SREK1: variants seen among roughly 807,000 people sequenced by gnomAD.
The protein encoded by SREK1 is splicing regulatory glutamic acid and lysine rich protein 1.
A neutral mutation model predicts 66.5 loss-of-function variants in SREK1; 13 were observed. The ratio of observed to expected loss-of-function variants is 0.20; its 90% CI spans 0.13 to 0.31. The LOEUF (loss-of-function observed/expected upper bound fraction) is 0.31, where lower values mean the gene tolerates loss of function less well. Ranked by LOEUF, SREK1 falls within the 10% of genes least tolerant of loss-of-function variation. The pLI is 1.00. For missense variants in SREK1, 607 were observed against 769.6 expected (o/e 0.79, Z 2.50); for synonymous variants, 265 against 263.5 (o/e 1.01, Z -0.05).
At chr5:66,163,719 A>T in intron 5 of SREK1, 73 bp from the exon 6 acceptor site, 1 of 1,472,104 alleles carries the variant, frequency 6.8e-7, no homozygotes, top group Non-Finnish European at 9.2e-7. Flanking sequence ...AAATATGTGT[A>T]TCATATAAAT....
chr5:66,173,985 G>T (rs1413361898), intron 9 of SREK1, among the ~76,000 whole-genome samples: 2 of 152,102 alleles, frequency 1.3e-5, no homozygotes, highest in Non-Finnish European at 2.9e-5. Flanking sequence ...TATACCGTGT[G>T]AGCATTTTTT....
rs552883489 is a variant in SREK1 at position 66,144,515 on chromosome 5, G to T, written c.139G>T (p.Glu47Ter). The T allele has an allele frequency of 6.4e-7, 1 of 1,553,478 alleles. No individual in the cohort carries two copies. The change falls in exon 1 of 12, where the codon GAG (glutamate) becomes TAG (stop). Residue 47 changes from glutamate to a stop codon, truncating the protein, a stop_gained. Transcript: ENST00000334121. LOFTEE classifies it high-confidence loss of function. ...TTTTTCCTTCCTAGGAGAAATCGAG[G>T]AGCTGCGGCTCTACCCCCCGGAGTA... Reference protein sequence around the residue: ...TLFSFLGEIEELRLYPPDNAP... With the variant: ...TLFSFLGEIE
At position 66,152,091 on chromosome 5, in the gene SREK1, C is replaced by T. The variant is rs529053244; in HGVS notation, c.162-1372C>T. ...CGATCTCCTGACCTCGTGATCCGCC[C>T]GCCTTCCGCCTTGGCCTCCCAGAGT... is the stretch of plus-strand genomic sequence containing the variant. On this transcript the variant is annotated intron_variant, in intron 1 of 11. Transcript: ENST00000334121. Among the ~76,000 whole-genome samples the T allele has an allele frequency of 3.2e-3, 493 of 152,082 alleles. 3 individuals are homozygous for T. Among genetic ancestry groups the T allele is most frequent in the Non-Finnish European group, 5.3e-3 (363 of 67,962 alleles).
At chr5:66,156,173 G>A in intron 2 of SREK1, 1 of 1,363,116 alleles carries the variant, frequency 7.3e-7, no homozygotes, top group Non-Finnish European at 9.4e-7. Context: ...AAATGAGATC[G>A]GAGTCTGAAC....
chr5:66,177,688 T>G (rs550050172), intron 11 of SREK1, 30 bp downstream of exon 11: 1 of 1,565,220 alleles, frequency 6.4e-7, no homozygotes, highest in South Asian at 1.2e-5. Context: ...TGTCTGGCAC[T>G]TGAAATGGTT....
intron 1 of SREK1, among the ~76,000 whole-genome samples, chr5:66,151,269 G>T (rs1439876399): frequency 1.3e-5 from 2 of 152,224 alleles, no homozygotes; most frequent in African/African-American, 4.8e-5. Context: ...TGGAGGAAAA[G>T]AGTCAAACAG....
chr5:66,178,826 G>C lies in SREK1; in HGVS notation c.1833G>C (p.Gln611His), dbSNP rs775172055. Residue 611 changes from glutamine to histidine, a missense_variant, in exon 12 of 12, where the codon CAG becomes CAC. Gln to His is a conservative substitution (Grantham distance 24). Transcript: ENST00000334121. ...ENKIQHNGNC[Q>H]LNEENLSTKT... is the part of the protein sequence containing the mutation. ...AAATACAGCACAATGGGAATTGTCA[G>C]CTGAATGAAGAAAACCTCTCTACCA... 2.5e-6 allele frequency: 4 copies of C among 1,612,456 alleles called. No individual in the cohort carries two copies. Among genetic ancestry groups the C allele is most frequent in the Non-Finnish European group, 3.4e-6 (4 of 1,178,838 alleles).
intron 9 of SREK1, among the ~76,000 whole-genome samples, chr5:66,174,116 A>C (rs1326562181): frequency 1.4e-5 from 2 of 147,630 alleles, no homozygotes; most frequent in Non-Finnish European, 3.0e-5. Flanking sequence ...ACTGATTATC[A>C]GAACTTGTGA....
chr5:66,166,040 C>G (rs1340240544), intron 7 of SREK1: 1 of 152,104 alleles, frequency 6.6e-6, no homozygotes, highest in Non-Finnish European at 1.5e-5. Flanking sequence ...TGCGTTTATC[C>G]AAGGACTTAC....
chr5:66,154,725 T>A (rs1025128673), intron 2 of SREK1, among the ~76,000 whole-genome samples: 3 of 152,156 alleles, frequency 2.0e-5, no homozygotes, highest in African/African-American at 7.2e-5. Context: ...ATTTTTCAGA[T>A]AAATTTGGAA....
intron 9 of SREK1, among the ~76,000 whole-genome samples, chr5:66,174,154 C>T (rs1168138340): frequency 6.9e-6 from 1 of 145,348 alleles, no homozygotes; most frequent in East Asian, 2.0e-4. Flanking sequence ...GTCCTCGTAC[C>T]ATATCCCTTA....
At chr5:66,157,468 T>A in intron 2 of SREK1, 6 of 985,252 alleles carry the variant, frequency 6.1e-6, no homozygotes, top group Non-Finnish European at 7.2e-6. Flanking sequence ...CCTCAAAACC[T>A]CAATTTATCA....
intron 7 of SREK1, chr5:66,169,687 GCA>G (rs1304303219): frequency 6.5e-6 from 1 of 153,980 alleles, no homozygotes; most frequent in Non-Finnish European, 1.4e-5. Flanking sequence ...ATGACAGACA[GCA>G]CACATTCACA....
At chr5:66,162,912 CTAAT>C (rs1354067431) in intron 5 of SREK1, 1 of 178,644 alleles carries the variant, frequency 5.6e-6, no homozygotes, top group African/African-American at 2.4e-5. Flanking sequence ...TGACACTAGA[CTAAT>C]TGAGCAACTT....
In SREK1 at chr5:66,180,104, C is replaced by T. The variant is rs1280966713; in HGVS notation, c.*1236C>T. 6.6e-6 allele frequency: 1 copy of T among 152,440 alleles called. No individual in the cohort carries two copies. Among genetic ancestry groups the T allele is most frequent in the Non-Finnish European group, 1.5e-5 (1 of 67,972 alleles). 9.4% of individuals were successfully genotyped at this position (152,440 alleles called of 1,614,324 possible). A position where few individuals can be genotyped will look rare whatever the true frequency, so the allele number is the denominator to read the frequency against. On this transcript the variant is annotated 3_prime_UTR_variant, in exon 12 of 12. Coordinates refer to ENST00000334121, the MANE Select transcript of SREK1 (RefSeq NM_001077199.3). ...TCATAAATGATGTGCAGAAATTGTA[C>T]TTAAGGACTTAGGAGTATATGGGAG...
chr5:66,162,816 T>C, intron 5 of SREK1: 1 of 440,280 alleles, frequency 2.3e-6, no homozygotes, highest in African/African-American at 2.0e-5. Flanking sequence ...TAGGGTCTAA[T>C]TCAGTGTTAA....
At position 66,180,124 on chromosome 5, in the gene SREK1, T is replaced by A. The variant is rs1222889666; in HGVS notation, c.*1256T>A. ...TTGTACTTAAGGACTTAGGAGTATA[T>A]GGGAGGTTATTGGTTTTATGTTTAA... is the stretch of plus-strand genomic sequence containing the variant. On this transcript the variant is annotated 3_prime_UTR_variant, in exon 12 of 12. Coordinates refer to ENST00000334121, the MANE Select transcript of SREK1 (RefSeq NM_001077199.3). The A allele has an allele frequency of 6.6e-6, 1 of 152,496 alleles. No individual in the cohort carries two copies. Among genetic ancestry groups the A allele is most frequent in the Non-Finnish European group, 1.5e-5 (1 of 67,976 alleles). 9.4% of individuals were successfully genotyped at this position (152,496 alleles called of 1,614,324 possible).
At chr5:66,176,433 C>A (rs1051027662) in intron 10 of SREK1, among the ~76,000 whole-genome samples, 2 of 152,100 alleles carry the variant, frequency 1.3e-5, no homozygotes, top group African/African-American at 4.8e-5. Context: ...TCTGCTTGAA[C>A]ATGAGTCAGT....
intron 1 of SREK1, among the ~76,000 whole-genome samples, chr5:66,151,123 G>A (rs1224160562): frequency 6.6e-6 from 1 of 152,180 alleles, no homozygotes; most frequent in Non-Finnish European, 1.5e-5. Flanking sequence ...TTACAGGCAT[G>A]AGCCACCCTG....
Sources: gnomAD v4.1 joint callset for allele counts (sites outside exome capture counted in the v4.1 genomes callset) on GRCh38, gnomAD v4.1.1 for gene constraint, MANE v1.5 for transcripts, NCBI Gene and HGNC (gene_info 2026-07-23, HGNC 2026-07-21) for gene names.